The following TENM3 variants were observed in gnomAD, a reference collection of about 807,000 sequenced individuals.
TENM3 encodes the protein teneurin transmembrane protein 3, also known as teneurin-3.
Under a neutral mutation model 255.1 loss-of-function variants are expected in TENM3, and 63 were observed. The observed-to-expected ratio is 0.25, with a 90% CI of 0.20 to 0.30. The LOEUF (loss-of-function observed/expected upper bound fraction) is 0.30. Ranked by LOEUF, TENM3 falls within the 10% of genes least tolerant of loss-of-function variation. The probability of loss-of-function intolerance (pLI) is 1.00; values close to 1 mark genes in which losing one functional copy is unlikely to be tolerated. For synonymous variants in TENM3, 1,306 were observed against 1,322.3 expected (o/e 0.99, Z 0.27); for missense variants, 2,929 against 3,461.1 (o/e 0.85, Z 3.86).
At chr4:182,745,193 G>A (rs2152739098) in intron 19 of TENM3, among the ~76,000 whole-genome samples, 1 of 152,286 alleles carries the variant, frequency 6.6e-6, no homozygotes, top group Admixed American at 6.5e-5. Context: ...CTGAAAGATG[G>A]ATAGCTGTCG....
At chr4:181,544,411 A>T in the TENM3 span, among the ~76,000 whole-genome samples, 1 of 93,918 alleles carries the variant, frequency 1.1e-5, no homozygotes, top group Non-Finnish European at 2.0e-5. Context: ...TCAGGATTAA[A>T]AAAAAAAAAA....
chr4:182,524,922 C>G (rs992622731), intron 3 of TENM3, among the ~76,000 whole-genome samples: 1 of 151,824 alleles, frequency 6.6e-6, no homozygotes, highest in Non-Finnish European at 1.5e-5. Context: ...CCCAGCTACA[C>G]AGGAGGCTGA....
the TENM3 span, among the ~76,000 whole-genome samples, chr4:181,938,502 G>A: frequency 1.3e-5 from 2 of 152,156 alleles, no homozygotes; most frequent in African/African-American, 4.8e-5. Context: ...ATTATTATAT[G>A]TTCACTTTTC....
the TENM3 span, among the ~76,000 whole-genome samples, chr4:181,582,330 A>G: frequency 1.3e-5 from 2 of 152,098 alleles, no homozygotes; most frequent in Non-Finnish European, 2.9e-5. Context: ...GGGTGTGTGA[A>G]CAAGTGCTAG....
Position 182,728,900 on chromosome 4 carries a change from A to G in TENM3, c.2369-65A>G, listed in dbSNP as rs1760451137. On this transcript the variant is annotated intron_variant, in intron 13 of 27. Transcript: ENST00000511685. ...AAAAAAAAAAAACAGTCAAGAAACAAAACTGATTCTACATTATGGCATCAA... is the reference window on the plus strand; with the variant it reads ...AAAAAAAAAAAACAGTCAAGAAACAGAACTGATTCTACATTATGGCATCAA... 1.4e-5 allele frequency: 19 copies of G among 1,334,866 alleles called. No homozygotes were observed. The South Asian group carries it at 2.3e-4, about 16-fold the overall frequency. The allele number at this position is 1,334,866 out of a possible 1,614,324, so 82.7% of individuals were successfully genotyped here. A position where few individuals can be genotyped will look rare whatever the true frequency, so the allele number is the denominator to read the frequency against.
chr4:182,605,811 T>G (rs1294936564), intron 4 of TENM3, among the ~76,000 whole-genome samples: 1 of 152,180 alleles, frequency 6.6e-6, no homozygotes, highest in Non-Finnish European at 1.5e-5. Context: ...GACCATATAG[T>G]TCATTACTAA....
intron 6 of TENM3, among the ~76,000 whole-genome samples, chr4:182,671,010 C>T (rs749439519): frequency 3.3e-5 from 5 of 152,148 alleles, no homozygotes; most frequent in Admixed American, 6.6e-5. Flanking sequence ...CAAGAAATCA[C>T]TAGCATAAAG....
chr4:182,400,209 C>A (rs1452699362), intron 3 of TENM3, among the ~76,000 whole-genome samples: 1 of 152,100 alleles, frequency 6.6e-6, no homozygotes, highest in African/African-American at 2.4e-5. Flanking sequence ...AAGCAGAACA[C>A]ACGTACAATT....
At chr4:182,637,846 G>C (rs1419159357) in intron 5 of TENM3, among the ~76,000 whole-genome samples, 2 of 152,174 alleles carry the variant, frequency 1.3e-5, no homozygotes, top group African/African-American at 2.4e-5. Flanking sequence ...CTGAATCTGA[G>C]CATTCAAGAT....
At chr4:181,458,992 T>G in the TENM3 span, among the ~76,000 whole-genome samples, 4 of 151,982 alleles carry the variant, frequency 2.6e-5, no homozygotes, top group Non-Finnish European at 5.9e-5. Context: ...TTTCCAAAGT[T>G]GCCTTAGCAC....
chr4:182,567,479 T>G (rs1218392910), intron 3 of TENM3, among the ~76,000 whole-genome samples: 2 of 152,124 alleles, frequency 1.3e-5, no homozygotes, highest in African/African-American at 4.8e-5. Context: ...GAGTGAAAGG[T>G]AGTCTTTAAA....
At chr4:182,514,126 G>C (rs1043985554) in intron 3 of TENM3, among the ~76,000 whole-genome samples, 23 of 152,278 alleles carry the variant, frequency 1.5e-4, no homozygotes, top group Non-Finnish European at 3.1e-4. Flanking sequence ...TATTGTCAGT[G>C]GCAGTCACCT....
chr4:182,615,385 A>G (rs1181782306), intron 4 of TENM3, among the ~76,000 whole-genome samples: 1 of 152,170 alleles, frequency 6.6e-6, no homozygotes, highest in Non-Finnish European at 1.5e-5. Context: ...GAAGTTGTAA[A>G]TGCCCAAGGT....
At chr4:181,605,537 AG>A in the TENM3 span, among the ~76,000 whole-genome samples, 4 of 24,616 alleles carry the variant, frequency 1.6e-4, no homozygotes, top group Admixed American at 5.9e-4. Context: ...AAAGAAAGAA[AG>A]AAAGAAAGAA....
chr4:182,454,722 A>G (rs972318106), intron 3 of TENM3, among the ~76,000 whole-genome samples: 1 of 152,208 alleles, frequency 6.6e-6, no homozygotes, highest in Admixed American at 6.5e-5. Flanking sequence ...TTTATGGCCA[A>G]GATTTTCCTT....
chr4:182,368,592 A>G (rs945351055), intron 3 of TENM3, among the ~76,000 whole-genome samples: 1 of 152,224 alleles, frequency 6.6e-6, no homozygotes, highest in Admixed American at 6.5e-5. Flanking sequence ...GTGGAGGATC[A>G]GAAGGGAGCA....
chr4:182,517,497 C>A (rs2151757687), intron 3 of TENM3, among the ~76,000 whole-genome samples: 1 of 146,194 alleles, frequency 6.8e-6, no homozygotes, highest in Admixed American at 6.9e-5. Flanking sequence ...CATTCTCCTG[C>A]CTCAGCCTCC....
chr4:182,180,637 CT>C (rs1174130013), intron 1 of TENM3, among the ~76,000 whole-genome samples: 134 of 142,170 alleles, frequency 9.4e-4, no homozygotes, highest in South Asian at 2.7e-3. Flanking sequence ...TATTGTTTCT[CT>C]TTTTTTTTTT....
intron 24 of TENM3, among the ~76,000 whole-genome samples, chr4:182,780,052 T>C (rs1273079376): frequency 6.6e-6 from 1 of 151,562 alleles, no homozygotes; most frequent in Non-Finnish European, 1.5e-5. Context: ...AGAAGCTCTT[T>C]AGTTTAATTA....
Sources: gnomAD v4.1 joint callset for allele counts (sites outside exome capture counted in the v4.1 genomes callset) on GRCh38, gnomAD v4.1.1 for gene constraint, MANE v1.5 for transcripts, NCBI Gene and HGNC (gene_info 2026-07-23, HGNC 2026-07-21) for gene names.